The following AK8 variants were observed in gnomAD, a reference collection of about 807,000 sequenced individuals.
AK8 encodes the protein adenylate kinase 8.
A neutral mutation model predicts 54.6 loss-of-function variants in AK8; 44 were observed. That is an observed-to-expected ratio of 0.81 (90% CI 0.63 to 1.04). AK8 has a LOEUF of 1.04. Among genes scored for constraint, AK8 ranks in the 50% least tolerant of loss-of-function variants. The pLI, the probability that AK8 is intolerant of heterozygous loss-of-function variation, is 0.00. For synonymous variants in AK8, 239 were observed against 245.6 expected (o/e 0.97, Z 0.25); for missense variants, 555 against 613.6 (o/e 0.90, Z 1.01).
At chr9:132,793,670 G>T (rs1023491372) in intron 10 of AK8, among the ~76,000 whole-genome samples, 1 of 152,154 alleles carries the variant, frequency 6.6e-6, no homozygotes, top group Non-Finnish European at 1.5e-5. Flanking sequence ...TTTACATTGC[G>T]GCAATTGACA....
chr9:132,826,981 G>C lies in AK8; in HGVS notation c.630C>G (p.Ile210Met). The change falls in exon 8 of 13, where the codon ATC (isoleucine) becomes ATG (methionine). Residue 210 changes from isoleucine to methionine, a missense_variant. Ile to Met is a conservative substitution (Grantham distance 10). Coordinates refer to ENST00000298545, the MANE Select transcript of AK8 (RefSeq NM_152572.3). This position sits in a 1 kb window ranked among gnomAD's most constrained non-coding sequence, Gnocchi z 4.5. The stretch of plus-strand genomic sequence containing the variant: ...GTTTCTGAGCCGTCTCCAGCTCTGA[G>C]ATGTCCTCTGGCACCATGAGACGGT... ...IQNRLMVPED[I>M]SELETAQKLL... 1 of 1,614,268 alleles carries C rather than the reference G, an allele frequency of 6.2e-7. No individual in the cohort carries two copies.
intron 5 of AK8, among the ~76,000 whole-genome samples, chr9:132,850,677 C>T (rs1463351322): frequency 6.6e-6 from 1 of 152,048 alleles, no homozygotes; most frequent in African/African-American, 2.4e-5. Flanking sequence ...GGATTACAGG[C>T]GTGGGCCACC....
At position 132,791,985 on chromosome 9, in the gene AK8, A is replaced by G. The variant is rs1839966191; in HGVS notation, c.1121+649T>C. 6.6e-6 allele frequency among the ~76,000 whole-genome samples: 1 copy of G among 152,204 alleles called. No individual in the cohort carries two copies. Among genetic ancestry groups the G allele is most frequent in the Non-Finnish European group, 1.5e-5 (1 of 68,032 alleles). ...CTCCAACTGGGGCATGGTAGAACCG[A>G]AGCCTTTCCCACCTTCCACTAGAAT... On this transcript the variant is annotated intron_variant, in intron 11 of 12. Transcript: ENST00000298545. The surrounding 1 kb of genome is among the most constrained non-coding windows in gnomAD (Gnocchi z 4.0).
intron 4 of AK8, 44 bp downstream of exon 4, chr9:132,863,621 C>T (rs1843475275): frequency 1.5e-6 from 2 of 1,379,250 alleles, no homozygotes; most frequent in East Asian, 2.3e-5. Flanking sequence ...TGGCAGTGGG[C>T]ACTGCTGCTG....
intron 10 of AK8, among the ~76,000 whole-genome samples, chr9:132,795,699 C>A (rs1444951968): frequency 1.3e-5 from 2 of 152,044 alleles, no homozygotes; most frequent in Admixed American, 6.6e-5. Context: ...ACTGCCAAGG[C>A]CCCCGGGCTC....
At position 132,866,925 on chromosome 9, in the gene AK8, G is replaced by T. The variant is rs185264847; in HGVS notation, c.198C>A (p.Pro66=). 3.1e-6 allele frequency: 5 copies of T among 1,613,942 alleles called. No homozygotes were observed. The highest frequency in any genetic ancestry group is 4.2e-6 in the Non-Finnish European group (5 of 1,179,972). ...NVPRIVILGP[P]ASGKTTIAMW... is the part of the protein sequence containing the mutation. ...TTACTATTGTTGTTTTCCCTGAGGC[G>T]GGTGGACCTAATATTACAATCCTGG... The change falls in exon 3 of 13, where the codon CCC becomes CCA. Residue 66 remains proline (P), a synonymous_variant. Coordinates refer to ENST00000298545, the MANE Select transcript of AK8 (RefSeq NM_152572.3).
intron 10 of AK8, among the ~76,000 whole-genome samples, chr9:132,806,430 G>C (rs562699797): frequency 7.9e-5 from 12 of 152,282 alleles, no homozygotes; most frequent in African/African-American, 2.6e-4. Flanking sequence ...ATTATTTAGA[G>C]AGTCATGCGC....
chr9:132,822,869 T>C (rs2131290510), intron 9 of AK8, among the ~76,000 whole-genome samples: 1 of 151,958 alleles, frequency 6.6e-6, no homozygotes, highest in East Asian at 1.9e-4. Flanking sequence ...TCAGGGGAGA[T>C]GGCAGGGGTG....
chr9:132,807,994 G>A (rs962090862), intron 10 of AK8, among the ~76,000 whole-genome samples: 1 of 152,036 alleles, frequency 6.6e-6, no homozygotes, highest in African/African-American at 2.4e-5. Context: ...CTTTGCTTGA[G>A]TTCAGAGAGG....
chr9:132,828,556 T>C, intron 6 of AK8, 89 bp downstream of exon 6: 4 of 1,199,664 alleles, frequency 3.3e-6, no homozygotes, highest in Non-Finnish European at 4.8e-6. Flanking sequence ...TGGGCTGAGG[T>C]CAGGAGCAGG....
chr9:132,737,493 A>G (rs1380542838), intron 11 of AK8, among the ~76,000 whole-genome samples: 1 of 152,228 alleles, frequency 6.6e-6, no homozygotes, highest in Admixed American at 6.5e-5. Context: ...AATATTAGGA[A>G]ATTTAATTAA....
At chr9:132,796,816 C>G (rs1439990613) in intron 10 of AK8, among the ~76,000 whole-genome samples, 2 of 134,454 alleles carry the variant, frequency 1.5e-5, no homozygotes, top group African/African-American at 5.6e-5. Context: ...CACACACACA[C>G]AGAGGGAGGG....
chr9:132,834,359 T>C (rs1842232130), intron 5 of AK8, among the ~76,000 whole-genome samples: 1 of 152,162 alleles, frequency 6.6e-6, no homozygotes, highest in Non-Finnish European at 1.5e-5. Flanking sequence ...GTTACTTTGG[T>C]TTATACAAAA....
intron 10 of AK8, among the ~76,000 whole-genome samples, chr9:132,793,535 C>T (rs528125499): frequency 6.6e-6 from 1 of 152,314 alleles, no homozygotes; most frequent in African/African-American, 2.4e-5. Context: ...TCCCCTTTCC[C>T]AAAATTCTCC....
intron 11 of AK8, among the ~76,000 whole-genome samples, chr9:132,789,014 G>C (rs1839833560): frequency 6.6e-6 from 1 of 152,208 alleles, no homozygotes; most frequent in African/African-American, 2.4e-5. Context: ...CTCAAATTTG[G>C]ACTGGGTGCG....
intron 9 of AK8, among the ~76,000 whole-genome samples, chr9:132,815,241 A>G (rs1215885841): frequency 6.6e-6 from 1 of 152,234 alleles, no homozygotes; most frequent in Non-Finnish European, 1.5e-5. Context: ...GGGGCCACAC[A>G]ATACGATAGA....
rs969822083 is a variant in AK8 at position 132,818,237 on chromosome 9, G to A, written c.890-3510C>T. Among the ~76,000 whole-genome samples the A allele has an allele frequency of 3.9e-5, 6 of 152,310 alleles. 1 individual carries two copies. The highest frequency in any genetic ancestry group is 1.9e-4 in the East Asian group (1 of 5,190). On this transcript the variant is annotated intron_variant, in intron 9 of 12. Transcript: ENST00000298545. ...TAAAGGAAGTTCTTCAGGCTGAGAGGAAATGATACCAGATGGAAACCTGGA... is the reference window on the plus strand; with the variant it reads ...TAAAGGAAGTTCTTCAGGCTGAGAGAAAATGATACCAGATGGAAACCTGGA...
In AK8 at chr9:132,799,701, C is replaced by T. The variant is rs1376849595; in HGVS notation, c.980-6926G>A. Among the ~76,000 whole-genome samples the T allele has an allele frequency of 6.6e-6, 1 of 152,112 alleles. No homozygotes were observed. Among genetic ancestry groups the T allele is most frequent in the African/African-American group, 2.4e-5 (1 of 41,416 alleles). On this transcript the variant is annotated intron_variant, in intron 10 of 12. Coordinates refer to ENST00000298545, the MANE Select transcript of AK8 (RefSeq NM_152572.3). The surrounding 1 kb of genome is among the most constrained non-coding windows in gnomAD (Gnocchi z 5.0). ...CCACACATAGTACACGAAGCACACA[C>T]CCTCATTACACAAACACATCTAGCA...
intron 5 of AK8, among the ~76,000 whole-genome samples, chr9:132,843,569 C>T (rs1338930657): frequency 2.0e-5 from 3 of 152,164 alleles, no homozygotes; most frequent in Non-Finnish European, 4.4e-5. Flanking sequence ...GCAGGTTGAC[C>T]TGGAGAAAGG....
Sources: allele counts gnomAD v4.1 joint callset (sites outside exome capture counted in the v4.1 genomes callset), GRCh38; gene constraint gnomAD v4.1.1; non-coding constraint Gnocchi (gnomAD v3.1); transcripts MANE v1.5; gene names NCBI Gene and HGNC (gene_info 2026-07-23, HGNC 2026-07-21).